PDK2: variants seen among roughly 807,000 people sequenced by gnomAD.
The protein encoded by PDK2 is pyruvate dehydrogenase kinase 2, also known as pyruvate dehydrogenase kinase, isozyme 2.
PDK2 carries 34 observed loss-of-function variants against 50.4 expected under a neutral mutation model. The ratio of observed to expected loss-of-function variants is 0.68; its 90% CI spans 0.51 to 0.90. The LOEUF (loss-of-function observed/expected upper bound fraction) is 0.90, where lower values mean the gene tolerates loss of function less well. Ranked by LOEUF, PDK2 falls within the 40% of genes least tolerant of loss-of-function variation. The pLI, the probability that PDK2 is intolerant of heterozygous loss-of-function variation, is 0.00. For synonymous variants in PDK2, 232 were observed against 216.0 expected, an observed-to-expected ratio of 1.07 and a Z score of -0.65; for missense variants, 377 against 544.5, an observed-to-expected ratio of 0.69 and a Z score of 3.06.
chr17:50,105,642 C>G (rs1334394614), intron 3 of PDK2, among the ~76,000 whole-genome samples, 200 bp downstream of exon 3: 6 of 152,208 alleles, frequency 3.9e-5, no homozygotes, highest in Non-Finnish European at 8.8e-5. Context: ...TCTCACTGTT[C>G]CCTGAGCCCG....
At chr17:50,102,897 G>A (rs547297135) in intron 2 of PDK2, among the ~76,000 whole-genome samples, 2 of 152,252 alleles carry the variant, frequency 1.3e-5, no homozygotes, top group South Asian at 2.1e-4. Context: ...CGTTGGCCAC[G>A]TGGTGTAGAC....
rs140445730 is a variant in PDK2, at chr17:50,105,406, T to C, written c.296T>C (p.Leu99Pro). ...VQSLLDIMEFLDKDPEDHRTL... is the reference protein window; with the variant it reads ...VQSLLDIMEFPDKDPEDHRTL... ...AGCCTCCTGGACATCATGGAGTTCC[T>C]GGACAAGGATCCCGAGGACCATCGC... The change falls in exon 3 of 11, where the codon CTG becomes CCG. Residue 99 changes from leucine to proline, a missense_variant. Leu to Pro is a moderately conservative substitution (Grantham distance 98). Around this residue, in one of 3 missense-constraint regions of PDK2, gnomAD observed 63 missense variants for 135.1 expected, o/e 0.47. Transcript: ENST00000503176. 1 of 1,613,688 alleles carries C rather than the reference T, an allele frequency of 6.2e-7. No individual in the cohort carries two copies. Among genetic ancestry groups the C allele is most frequent in the African/African-American group, 1.3e-5 (1 of 74,912 alleles).
At chr17:50,105,851 G>T in intron 3 of PDK2, 34 bp from the exon 4 acceptor site, 2 of 1,605,416 alleles carry the variant, frequency 1.2e-6, no homozygotes, top group Non-Finnish European at 1.7e-6. Flanking sequence ...AGAGTCTGGG[G>T]GTGTCCCATG....
At position 50,097,525 on chromosome 17, in the gene PDK2, G is replaced by A. The variant is rs1481567395; in HGVS notation, c.221G>A (p.Arg74Gln). 6 of 1,613,730 alleles carry A rather than the reference G, an allele frequency of 3.7e-6. No individual in the cohort carries two copies. The highest frequency in any genetic ancestry group is 5.1e-6 in the Non-Finnish European group (6 of 1,180,012). Residue 74 changes from arginine to glutamine, a missense_variant, in exon 2 of 11, where the codon CGA becomes CAA. By Grantham distance (43) the Arg-to-Gln change is conservative (BLOSUM62 1). Around this residue, in one of 3 missense-constraint regions of PDK2, gnomAD observed 100 missense variants for 115.5 expected, o/e 0.87. Coordinates refer to ENST00000503176, the MANE Select transcript of PDK2 (RefSeq NM_002611.5). ...IMKEINLLPD[R>Q]VLSTPSVQLV... ...AAAGAGATCAACCTGCTTCCCGACCGAGTGCTGAGCACACCCTCCGTGCAG... is the reference window on the plus strand; with the variant it reads ...AAAGAGATCAACCTGCTTCCCGACCAAGTGCTGAGCACACCCTCCGTGCAG...
chr17:50,107,163 C>A lies in PDK2; in HGVS notation c.685+10C>A. The A allele has an allele frequency of 5.6e-6, 9 of 1,611,372 alleles. No individual in the cohort carries two copies. The highest frequency in any genetic ancestry group is 7.6e-6 in the Non-Finnish European group (9 of 1,177,610). On this transcript the variant is annotated intron_variant, in intron 6 of 10. Coordinates refer to ENST00000503176, the MANE Select transcript of PDK2 (RefSeq NM_002611.5). ...ATCCAGGAGATCAATGGTGAGTGAG[C>A]GGGGCTGTGTATGTGTCTGTCTTGG...
intron 2 of PDK2, among the ~76,000 whole-genome samples, chr17:50,102,092 A>C (rs2144356966): frequency 6.6e-6 from 1 of 152,128 alleles, no homozygotes; most frequent in Admixed American, 6.5e-5. Flanking sequence ...GGCCAGCGCC[A>C]CTCGTCCCCA....
Position 50,105,361 on chromosome 17 carries a change from C to T in PDK2, c.261-10C>T, listed in dbSNP as rs1169735652. Reference sequence around the variant, plus strand: ...AAGCTGAGGCTGTGTCCCCTCCCGCCCCCACACAGGTATGTCCAGAGCCTC... The same window carrying T: ...AAGCTGAGGCTGTGTCCCCTCCCGCTCCCACACAGGTATGTCCAGAGCCTC... On this transcript the variant is annotated splice_polypyrimidine_tract_variant and intron_variant, in intron 2 of 10. Transcript: ENST00000503176. 1.9e-6 allele frequency: 3 copies of T among 1,593,142 alleles called. No homozygotes were observed. Among genetic ancestry groups the T allele is most frequent in the African/African-American group, 2.7e-5 (2 of 73,770 alleles).
Position 50,109,466 on chromosome 17 carries a change from GC to G in PDK2, c.1083+68del. The stretch of plus-strand genomic sequence containing the variant: ...TGCTGATAGGACCTGGGCAGCCTTG[GC>G]CAGCTGCGAGCTTTCCTTTCCATCC... On this transcript the variant is annotated intron_variant, in intron 10 of 10. Transcript: ENST00000503176. The surrounding 1 kb of genome is among the most constrained non-coding windows in gnomAD (Gnocchi z 5.0). 9.9e-7 allele frequency: 1 copy of G among 1,005,466 alleles called. No homozygotes were observed. Among genetic ancestry groups the G allele is most frequent in the Non-Finnish European group, 1.5e-6 (1 of 678,314 alleles). The allele number at this position is 1,005,466 out of a possible 1,614,324, so 62.3% of individuals were successfully genotyped here. A position where few individuals can be genotyped will look rare whatever the true frequency, so the allele number is the denominator to read the frequency against.
intron 1 of PDK2, chr17:50,096,358 C>T: frequency 1.1e-6 from 1 of 911,236 alleles, no homozygotes. Context: ...AACGTGGCAG[C>T]TGAAATGGGC....
chr17:50,095,475 G>T lies in PDK2; in HGVS notation c.40G>T (p.Ala14Ser), dbSNP rs868086872. 6.2e-7 allele frequency: 1 copy of T among 1,605,440 alleles called. No homozygotes were observed. The highest frequency in any genetic ancestry group is 1.7e-5 in the Admixed American group (1 of 58,632). ...VWALLKNASL[A>S]GAPKYIEHFS... ...GGCGCTGCTGAAGAATGCGTCCCTG[G>T]CAGGGGCGCCCAAGTACATAGAGCA... Residue 14 changes from alanine to serine, a missense_variant, in exon 1 of 11, where the codon GCA (alanine) becomes TCA (serine). Ala to Ser is a moderately conservative substitution (Grantham distance 99). This residue lies in a region of PDK2 where 100 missense variants were observed against 115.5 expected (regional missense o/e 0.87). Transcript: ENST00000503176.
intron 1 of PDK2, chr17:50,096,227 AG>A (rs763610882): frequency 3.0e-5 from 30 of 985,392 alleles, no homozygotes; most frequent in African/African-American, 3.5e-5. Flanking sequence ...CAGGGGCCCC[AG>A]GCACCGTGAT....
chr17:50,108,797 C>T (rs891623717), intron 9 of PDK2, 78 bp downstream of exon 9: 21 of 882,622 alleles, frequency 2.4e-5, no homozygotes, highest in Middle Eastern at 2.3e-4. Context: ...TCTCCCTGCT[C>T]ACTCAGCTTC....
chr17:50,109,263 C>T lies in PDK2; in HGVS notation c.970-24C>T. 6.5e-7 allele frequency: 1 copy of T among 1,531,592 alleles called. No homozygotes were observed. 94.9% of individuals were successfully genotyped at this position (1,531,592 alleles called of 1,614,324 possible). ...AGGCCCCTGCCAGCCTCCTCATCCT[C>T]ACTGCCTTCCTGCCCCGCTGCAGGC... On this transcript the variant is annotated intron_variant, in intron 9 of 10. Coordinates refer to ENST00000503176, the MANE Select transcript of PDK2 (RefSeq NM_002611.5). The surrounding 1 kb of genome is among the most constrained non-coding windows in gnomAD (Gnocchi z 5.0).
intron 2 of PDK2, among the ~76,000 whole-genome samples, chr17:50,104,871 C>G (rs149414600): frequency 6.6e-6 from 1 of 152,230 alleles, no homozygotes; most frequent in Non-Finnish European, 1.5e-5. Flanking sequence ...TCTCCTCTGC[C>G]GGGGGTCACT....
At chr17:50,107,946 A>C in intron 6 of PDK2, 7 of 582,050 alleles carry the variant, frequency 1.2e-5, no homozygotes, top group Non-Finnish European at 1.9e-5. Context: ...GAGGAAGGGA[A>C]CAAGGGTGTG....
chr17:50,108,810 T>C (rs539473084), intron 9 of PDK2, 91 bp downstream of exon 9: 13 of 775,192 alleles, frequency 1.7e-5, no homozygotes, highest in Middle Eastern at 2.6e-4. Flanking sequence ...TCAGCTTCTG[T>C]GTGGCCGTCT....
In PDK2 at chr17:50,097,470, G is replaced by C; in HGVS notation, c.166G>C (p.Glu56Gln). 6.2e-7 allele frequency: 1 copy of C among 1,613,882 alleles called. No homozygotes were observed. The highest frequency in any genetic ancestry group is 8.5e-7 in the Non-Finnish European group (1 of 1,179,882). The change falls in exon 2 of 11, where the codon GAG (glutamate) becomes CAG (glutamine). Residue 56 changes from glutamate to glutamine, a missense_variant. By Grantham distance (29) the Glu-to-Gln change is conservative. This residue lies in a region of PDK2 where 100 missense variants were observed against 115.5 expected (regional missense o/e 0.87). Coordinates refer to ENST00000503176, the MANE Select transcript of PDK2 (RefSeq NM_002611.5). ...AACCTCCTTCACCTTCCTCAGGCAGGAGCTGCCTGTGCGCCTGGCCAACAT... is the reference window on the plus strand; with the variant it reads ...AACCTCCTTCACCTTCCTCAGGCAGCAGCTGCCTGTGCGCCTGGCCAACAT... ...EKTSFTFLRQ[E>Q]LPVRLANIMK...
intron 2 of PDK2, chr17:50,098,592 T>C (rs142331489): frequency 2.5e-4 from 38 of 152,264 alleles, no homozygotes; most frequent in African/African-American, 8.7e-4. Context: ...AAATGCACAA[T>C]AGTAGATAGA....
At position 50,095,380 on chromosome 17, in the gene PDK2, G is replaced by C. The variant is rs546276968; in HGVS notation, c.-56G>C. 6.9e-5 allele frequency: 92 copies of C among 1,330,096 alleles called. No individual in the cohort carries two copies. The African/African-American group carries it at 1.2e-3, about 18-fold the overall frequency. 82.4% of individuals were successfully genotyped at this position (1,330,096 alleles called of 1,614,324 possible). ...GCCGAACCGCGTCGCTGGGCCGAAA[G>C]GTGCGCGAGCGCTGCCCGCGCGGGG... is the stretch of plus-strand genomic sequence containing the variant. On this transcript the variant is annotated 5_prime_UTR_variant, in exon 1 of 11. Transcript: ENST00000503176.
Sources: gnomAD v4.1 joint callset for allele counts (sites outside exome capture counted in the v4.1 genomes callset) on GRCh38, gnomAD v4.1.1 for gene constraint, gnomAD v4.1.1 regional missense constraint, Gnocchi (gnomAD v3.1) non-coding constraint, MANE v1.5 for transcripts, NCBI Gene and HGNC (gene_info 2026-07-23, HGNC 2026-07-21) for gene names.